GREB1: variants seen among roughly 807,000 people sequenced by gnomAD.
GREB1 encodes growth regulating estrogen receptor binding 1.
A neutral mutation model predicts 200.7 loss-of-function variants in GREB1; 106 were observed. The ratio of observed to expected loss-of-function variants is 0.53; its 90% CI spans 0.45 to 0.62. The LOEUF is 0.62. Among genes scored for constraint, GREB1 ranks in the 20% least tolerant of loss-of-function variants. The pLI is 0.00. For missense variants in GREB1, 2,243 were observed against 2,556.8 expected, an observed-to-expected ratio of 0.88 and a Z score of 2.65; for synonymous variants, 1,132 against 1,092.4, an observed-to-expected ratio of 1.04 and a Z score of -0.72.
intron 7 of GREB1, among the ~76,000 whole-genome samples, chr2:11,583,292 C>A (rs1050513077): frequency 2.0e-5 from 3 of 152,188 alleles, no homozygotes; most frequent in Non-Finnish European, 4.4e-5. Context: ...GGCTGCTTAG[C>A]CTCTGTGGGG....
chr2:11,615,033 G>C lies in GREB1; in HGVS notation c.3123-58G>C, dbSNP rs549365498. The C allele has an allele frequency of 1.6e-5, 21 of 1,324,934 alleles. No individual in the cohort carries two copies. The South Asian group carries it at 2.4e-4, about 15-fold the overall frequency. The allele number at this position is 1,324,934 out of a possible 1,614,324, so 82.1% of individuals were successfully genotyped here. On this transcript the variant is annotated intron_variant, in intron 19 of 32. Coordinates refer to ENST00000381486, the MANE Select transcript of GREB1 (RefSeq NM_014668.4). ...CGATCAGTGCTGCCTGCCGCAGTGG[G>C]AACAGCACTCCACTTGTGGAAGGCA...
At chr2:11,530,041 T>TTTTTA (rs1321537945), upstream of GREB1, among the ~76,000 whole-genome samples, 142 of 152,150 alleles carry the variant, frequency 9.3e-4, no homozygotes, top group African/African-American at 1.8e-3. Flanking sequence ...CCTAGGTGAT[T>TTTTTA]TTTTATTTTA....
At chr2:11,498,526 T>C (rs969386887) in intron 1 of GREB1, among the ~76,000 whole-genome samples, 4 of 152,212 alleles carry the variant, frequency 2.6e-5, no homozygotes, top group Admixed American at 2.6e-4. Context: ...ATTCTAGGCT[T>C]CAAGAGGACC....
chr2:11,541,312 A>G (rs1865574), intron 1 of GREB1, among the ~76,000 whole-genome samples: 104,261 of 151,944 alleles, frequency 0.69, 36,251 homozygotes, highest in South Asian at 0.84. Context: ...TTTTGCTCTT[A>G]TAGACTTGAC....
chr2:11,591,399 A>G, intron 10 of GREB1: 2 of 733,732 alleles, frequency 2.7e-6, no homozygotes, highest in Non-Finnish European at 2.5e-6. Flanking sequence ...CTTCCAGCAC[A>G]TCAAATACGA....
chr2:11,585,718 A>T, intron 8 of GREB1, 44 bp from the exon 9 acceptor site: 1 of 1,609,174 alleles, frequency 6.2e-7, no homozygotes, highest in Non-Finnish European at 8.5e-7. Context: ...TGAGAGGTGG[A>T]TGCCTTGTCT....
chr2:11,561,916 C>T (rs1558547651), intron 2 of GREB1: 1 of 153,596 alleles, frequency 6.5e-6, no homozygotes, highest in East Asian at 1.9e-4. Context: ...ACGTGTGGGC[C>T]ATGCTGCTAG....
At chr2:11,522,517 G>A (rs1169232110) in intron 1 of GREB1, among the ~76,000 whole-genome samples, 1 of 152,134 alleles carries the variant, frequency 6.6e-6, no homozygotes, top group Non-Finnish European at 1.5e-5. Flanking sequence ...CACTGCTGCA[G>A]GACTCGCAGC....
chr2:11,618,808 C>G lies in GREB1; in HGVS notation c.3933C>G (p.Tyr1311Ter), dbSNP rs1351812248. 1 of 1,608,818 alleles carries G rather than the reference C, an allele frequency of 6.2e-7. No homozygotes were observed. Among genetic ancestry groups the G allele is most frequent in the African/African-American group, 1.3e-5 (1 of 74,928 alleles). ...TGACATCCACCGAGCAGTCCCTCTA[C>G]TACCGGCAGTGGACGGTGCCCCGGC... The part of the protein sequence containing the change: ...KTMTSTEQSL[Y>*]YRQWTVPRPS... The change falls in exon 22 of 33, where the codon TAC (tyrosine) becomes TAG (stop). Residue 1311 changes from tyrosine (Y) to a stop codon, truncating the protein, a stop_gained. Coordinates refer to ENST00000381486, the MANE Select transcript of GREB1 (RefSeq NM_014668.4). LOFTEE classifies it high-confidence loss of function.
intron 4 of GREB1, among the ~76,000 whole-genome samples, chr2:11,573,323 C>T (rs898694872): frequency 6.6e-5 from 10 of 152,230 alleles, no homozygotes; most frequent in East Asian, 1.9e-4. Flanking sequence ...TGACAAGAGT[C>T]GTGTTTAAGA....
At position 11,637,865 on chromosome 2, in the gene GREB1, C is replaced by T; in HGVS notation, c.5496C>T (p.Asn1832=). 6.2e-7 allele frequency: 1 copy of T among 1,614,186 alleles called. No individual in the cohort carries two copies. Among genetic ancestry groups the T allele is most frequent in the Non-Finnish European group, 8.5e-7 (1 of 1,180,036 alleles). Residue 1832 remains asparagine (N), a synonymous_variant, in exon 31 of 33, where the codon AAC becomes AAT. Transcript: ENST00000381486. ...SHLFFPLSLK[N]HDHPVLSVDC... is the part of the protein sequence containing the mutation. ...TCTTCTTCCCGCTGTCCCTGAAGAACCATGACCACCCAGTGCTGTCTGTCG... is the reference window on the plus strand; with the variant it reads ...TCTTCTTCCCGCTGTCCCTGAAGAATCATGACCACCCAGTGCTGTCTGTCG...
chr2:11,623,627 A>G (rs921092132), intron 23 of GREB1, among the ~76,000 whole-genome samples: 3 of 152,240 alleles, frequency 2.0e-5, no homozygotes, highest in African/African-American at 7.2e-5. Flanking sequence ...GTGGTGGCTC[A>G]CGCCTGTAAT....
rs564451679 is a variant in GREB1 at position 11,545,393 on chromosome 2, A to G, written c.-161-11061A>G. The stretch of plus-strand genomic sequence containing the variant: ...GTGATCCACCTGCCTCAGCCTCCCA[A>G]AGTGCTGGGACTACAGGCATGAGCC... On this transcript the variant is annotated intron_variant, in intron 1 of 32. Transcript: ENST00000381486. Among the ~76,000 whole-genome samples, 5 of 152,218 alleles carry G rather than the reference A, an allele frequency of 3.3e-5. No homozygotes were observed. The East Asian group carries it at 7.7e-4, about 24-fold the overall frequency.
chr2:11,495,373 T>G (rs532642352), intron 1 of GREB1, among the ~76,000 whole-genome samples: 1 of 152,314 alleles, frequency 6.6e-6, no homozygotes, highest in African/African-American at 2.4e-5. Context: ...CTGCCATTTT[T>G]GTAGGTGAAA....
rs561923004 is a variant in GREB1, at chr2:11,555,309, G to A, written c.-161-1145G>A. Reference sequence around the variant, plus strand: ...ACTGAAAATAGAAATTTAACCCTATGTATGATCAGGGAGAAATGTCAGAAC... The same window carrying A: ...ACTGAAAATAGAAATTTAACCCTATATATGATCAGGGAGAAATGTCAGAAC... On this transcript the variant is annotated intron_variant, in intron 1 of 32. Coordinates refer to ENST00000381486, the MANE Select transcript of GREB1 (RefSeq NM_014668.4). 2.0e-5 allele frequency among the ~76,000 whole-genome samples: 3 copies of A among 152,250 alleles called. No homozygotes were observed. The South Asian group carries it at 6.2e-4, about 32-fold the overall frequency.
chr2:11,537,941 A>G (rs1402297379), intron 1 of GREB1, among the ~76,000 whole-genome samples: 1 of 152,044 alleles, frequency 6.6e-6, no homozygotes, highest in Non-Finnish European at 1.5e-5. Flanking sequence ...TCATGCACAT[A>G]GCTTTTATGC....
At chr2:11,566,184 A>G (rs1442987304) in intron 3 of GREB1, among the ~76,000 whole-genome samples, 1 of 151,836 alleles carries the variant, frequency 6.6e-6, no homozygotes, top group Non-Finnish European at 1.5e-5. Context: ...ACGCCTGGCT[A>G]ATTTTTGTAT....
In GREB1 at chr2:11,595,305, A is replaced by G. The variant is rs373775125; in HGVS notation, c.1751A>G (p.Gln584Arg). ...AGCCTTCTCACTCCTGCGGAGTACC[A>G]GAAGGAAGTCAATTACGAGCTGGTT... Reference protein sequence around the residue: ...SESLLTPAEYQKEVNYELVTG... With the variant: ...SESLLTPAEYRKEVNYELVTG... Residue 584 changes from glutamine (Q) to arginine (R), a missense_variant, in exon 12 of 33, where the codon CAG becomes CGG. Gln to Arg is a conservative substitution (Grantham distance 43). Transcript: ENST00000381486. The G allele has an allele frequency of 1.9e-5, 30 of 1,613,920 alleles. No individual in the cohort carries two copies. The African/African-American group carries it at 3.1e-4, about 16-fold the overall frequency.
In GREB1 at chr2:11,602,453, G is replaced by A. The variant is rs760445584; in HGVS notation, c.2577G>A (p.Glu859=). The A allele has an allele frequency of 1.9e-6, 3 of 1,613,244 alleles. No homozygotes were observed. The highest frequency in any genetic ancestry group is 1.7e-4 in the Middle Eastern group (1 of 6,058). Residue 859 remains glutamate, a synonymous_variant, in exon 17 of 33, where the codon GAG becomes GAA. Transcript: ENST00000381486. ...HENKKYFGLS[E]FIESTLSGHS... ...ATAAGAAGTACTTCGGGCTGTCGGA[G>A]TTTATTGAATCCACCCTTTCAGGAC...
Sources: allele counts gnomAD v4.1 joint callset (sites outside exome capture counted in the v4.1 genomes callset), GRCh38; gene constraint gnomAD v4.1.1; transcripts MANE v1.5; gene names NCBI Gene and HGNC (gene_info 2026-07-23, HGNC 2026-07-21).